The following TMEM220 variants were observed in gnomAD, a reference collection of about 807,000 sequenced individuals.
TMEM220 encodes the protein transmembrane protein 220.
TMEM220 carries 21 observed loss-of-function variants against 21.7 expected under a neutral mutation model. The observed-to-expected ratio is 0.97, with a 90% CI of 0.69 to 1.39. The LOEUF (loss-of-function observed/expected upper bound fraction) is 1.39, where lower values mean the gene tolerates loss of function less well. TMEM220 is among the 40% of genes most tolerant of loss of function. TMEM220 has a pLI of 0.00. For missense variants in TMEM220, 191 were observed against 201.9 expected, an observed-to-expected ratio of 0.95 and a Z score of 0.33; for synonymous variants, 80 against 73.6, an observed-to-expected ratio of 1.09 and a Z score of -0.45.
intron 5 of TMEM220, 37 bp from the exon 6 acceptor site, chr17:10,715,625 T>C (rs768500252): frequency 6.7e-7 from 1 of 1,491,558 alleles, no homozygotes; most frequent in Non-Finnish European, 9.0e-7. Flanking sequence ...ATAAAAATCA[T>C]GGATTGCTTT....
chr17:10,725,146 T>C lies in TMEM220; in HGVS notation c.164-12A>G, dbSNP rs554255379. On this transcript the variant is annotated splice_polypyrimidine_tract_variant and intron_variant, in intron 3 of 5. Transcript: ENST00000341871. ...CCAAATAACATTACCTAAAAATAGATGTTCTGATGTTGTTAACCACGGAAT... is the reference window on the plus strand; with the variant it reads ...CCAAATAACATTACCTAAAAATAGACGTTCTGATGTTGTTAACCACGGAAT... 260 of 1,612,892 alleles carry C rather than the reference T, an allele frequency of 1.6e-4. 5 individuals carry two copies. In the South Asian group the frequency reaches 2.7e-3, roughly 17 times the overall value.
intron 5 of TMEM220, among the ~76,000 whole-genome samples, chr17:10,717,910 T>A (rs895542476): frequency 4.6e-5 from 7 of 151,948 alleles, no homozygotes; most frequent in South Asian, 2.1e-4. Flanking sequence ...AACCTCTGCC[T>A]CCAGGGTTCA....
chr17:10,715,717 T>C, intron 5 of TMEM220, 129 bp from the exon 6 acceptor site: 3 of 612,306 alleles, frequency 4.9e-6, no homozygotes, highest in Non-Finnish European at 7.8e-6. Flanking sequence ...TATTGAAATA[T>C]AACATTGATT....
chr17:10,717,003 C>T (rs142709467), intron 5 of TMEM220, among the ~76,000 whole-genome samples: 521 of 152,318 alleles, frequency 3.4e-3, no homozygotes, highest in African/African-American at 0.012. Context: ...TACTTCCTGA[C>T]AGAAAAGCAG....
intron 4 of TMEM220, 35 bp downstream of exon 4, chr17:10,724,976 T>C: frequency 6.2e-7 from 1 of 1,613,626 alleles, no homozygotes; most frequent in Non-Finnish European, 8.5e-7. Flanking sequence ...TATCCCACAG[T>C]TCTATCCCTC....
At chr17:10,719,303 GTCTC>G (rs954735580) in intron 5 of TMEM220, among the ~76,000 whole-genome samples, 1 of 152,100 alleles carries the variant, frequency 6.6e-6, no homozygotes, top group Non-Finnish European at 1.5e-5. Flanking sequence ...TTGAGACGGA[GTCTC>G]TCTCTGTCTC....
Position 10,713,619 on chromosome 17 carries a change from T to C in TMEM220, c.*1834A>G, listed in dbSNP as rs903428303. On this transcript the variant is annotated 3_prime_UTR_variant, in exon 6 of 6. Transcript: ENST00000341871. ...AAAGGAGTTATAAAAGCCACAAATATGTAAGCAAAATATACACTGGAAAAC... is the reference window on the plus strand; with the variant it reads ...AAAGGAGTTATAAAAGCCACAAATACGTAAGCAAAATATACACTGGAAAAC... 3 of 152,148 alleles carry C rather than the reference T, an allele frequency of 2.0e-5. No individual in the cohort carries two copies. Among genetic ancestry groups the C allele is most frequent in the African/African-American group, 4.8e-5 (2 of 41,446 alleles). The allele number at this position is 152,148 out of a possible 1,614,324, so 9.4% of individuals were successfully genotyped here.
chr17:10,716,129 G>C, intron 5 of TMEM220: 1 of 868,020 alleles, frequency 1.2e-6, no homozygotes, highest in Non-Finnish European at 1.9e-6. Flanking sequence ...AACACTTCAG[G>C]GTCCTGGACA....
intron 5 of TMEM220, among the ~76,000 whole-genome samples, chr17:10,722,386 T>C (rs2075003438): frequency 2.0e-5 from 3 of 152,230 alleles, no homozygotes. Flanking sequence ...ATTTCTGATA[T>C]ATTTGGGTTT....
chr17:10,727,103 A>G (rs779856630), intron 2 of TMEM220, among the ~76,000 whole-genome samples: 1 of 152,132 alleles, frequency 6.6e-6, no homozygotes, highest in Non-Finnish European at 1.5e-5. Flanking sequence ...TCCTCCTATT[A>G]TATCGTCTGA....
At chr17:10,721,528 C>G (rs1426679905) in intron 5 of TMEM220, among the ~76,000 whole-genome samples, 3 of 142,062 alleles carry the variant, frequency 2.1e-5, no homozygotes, top group Non-Finnish European at 4.5e-5. Context: ...TTGCTTGAAC[C>G]CGGGAGGCAG....
chr17:10,720,094 T>G (rs924842792), intron 5 of TMEM220, among the ~76,000 whole-genome samples: 2 of 152,190 alleles, frequency 1.3e-5, no homozygotes, highest in Non-Finnish European at 2.9e-5. Flanking sequence ...AAACAGACAC[T>G]GTTAGCCATG....
chr17:10,726,046 A>G (rs574812591), intron 3 of TMEM220, among the ~76,000 whole-genome samples, 158 bp downstream of exon 3: 2 of 152,346 alleles, frequency 1.3e-5, no homozygotes, highest in East Asian at 3.9e-4. Flanking sequence ...TTTCCTGAAG[A>G]TGGGTAAGGA....
rs77830999 is a variant in TMEM220, at chr17:10,725,575, C to T, written c.164-441G>A. On this transcript the variant is annotated intron_variant, in intron 3 of 5. Coordinates refer to ENST00000341871, the MANE Select transcript of TMEM220 (RefSeq NM_001004313.3). ...ACAGTCCATATTCCACTGGACGTGG[C>T]ATCGTGAAGATGTGAATGGGGGGCT... Among the ~76,000 whole-genome samples, 92 of 152,284 alleles carry T rather than the reference C, an allele frequency of 6.0e-4. 1 individual carries two copies. In the East Asian group the frequency reaches 0.011, roughly 19 times the overall value.
At chr17:10,724,674 A>C (rs889044665) in intron 4 of TMEM220, among the ~76,000 whole-genome samples, 5 of 152,188 alleles carry the variant, frequency 3.3e-5, no homozygotes, top group African/African-American at 1.2e-4. Context: ...AGGCTGACAG[A>C]GTTATCACCA....
downstream of TMEM220, among the ~76,000 whole-genome samples, chr17:10,711,845 T>C (rs897415980): frequency 1.3e-4 from 20 of 152,262 alleles, no homozygotes; most frequent in Admixed American, 1.2e-3. Flanking sequence ...ACCGTTTTCA[T>C]ATATGCTAAG....
At chr17:10,711,260 A>G, downstream of TMEM220, 1 of 810,666 alleles carries the variant, frequency 1.2e-6, no homozygotes, top group East Asian at 2.7e-5. Context: ...AAATGTATTT[A>G]TAGTTTCAGT....
At chr17:10,725,563 C>A (rs2075040677) in intron 3 of TMEM220, among the ~76,000 whole-genome samples, 1 of 152,198 alleles carries the variant, frequency 6.6e-6, no homozygotes, top group Admixed American at 6.5e-5. Flanking sequence ...GTCCATATTC[C>A]ACTGGACGTG....
At chr17:10,729,718 CG>C in intron 1 of TMEM220, 61 bp downstream of exon 1, 1 of 1,289,492 alleles carries the variant, frequency 7.8e-7, no homozygotes. Flanking sequence ...TTACACGGCC[CG>C]CTAGGCCAGG....
Sources: allele counts gnomAD v4.1 joint callset (sites outside exome capture counted in the v4.1 genomes callset), GRCh38; gene constraint gnomAD v4.1.1; transcripts MANE v1.5; gene names NCBI Gene and HGNC (gene_info 2026-07-23, HGNC 2026-07-21).